UBTD1: variants seen among roughly 807,000 people sequenced by gnomAD.
The protein encoded by UBTD1 is ubiquitin domain-containing protein 1.
UBTD1 carries 19 observed loss-of-function variants against 21.7 expected under a neutral mutation model. That is an observed-to-expected ratio of 0.87 (90% CI 0.61 to 1.28). UBTD1 has a LOEUF of 1.28. UBTD1 is among the 50% of genes most tolerant of loss of function. The pLI, the probability that UBTD1 is intolerant of heterozygous loss-of-function variation, is 0.00. For missense variants in UBTD1, 282 were observed against 315.1 expected (o/e 0.89, Z 0.80); for synonymous variants, 116 against 135.1 (o/e 0.86, Z 0.98).
At chr10:97,516,809 A>C (rs982573106) in intron 1 of UBTD1, among the ~76,000 whole-genome samples, 1 of 151,832 alleles carries the variant, frequency 6.6e-6, no homozygotes, top group East Asian at 1.9e-4. Context: ...CATCTCCTAC[A>C]GTCAGGGGAT....
chr10:97,518,018 C>T (rs1042550499), intron 1 of UBTD1, among the ~76,000 whole-genome samples: 3 of 152,026 alleles, frequency 2.0e-5, no homozygotes, highest in Admixed American at 6.5e-5. Context: ...CTGGAGGGGC[C>T]GCTCCGAGAA....
At chr10:97,534,577 G>A (rs1468267343) in intron 1 of UBTD1, among the ~76,000 whole-genome samples, 47 of 88,526 alleles carry the variant, frequency 5.3e-4, no homozygotes, top group African/African-American at 7.7e-4. Context: ...ACACGCGCGC[G>A]CGCACACACA....
intron 1 of UBTD1, among the ~76,000 whole-genome samples, chr10:97,546,145 G>A (rs932037659): frequency 2.0e-5 from 3 of 152,210 alleles, no homozygotes; most frequent in Admixed American, 2.0e-4. Flanking sequence ...TTGTGGCATG[G>A]TGAACACCTC....
chr10:97,524,155 C>T (rs898003165), intron 1 of UBTD1, among the ~76,000 whole-genome samples: 2 of 152,082 alleles, frequency 1.3e-5, no homozygotes, highest in Non-Finnish European at 2.9e-5. Context: ...AGTGCAGTGG[C>T]GCGATTATGG....
chr10:97,536,607 CCAT>C (rs2040563111), intron 1 of UBTD1, among the ~76,000 whole-genome samples: 1 of 152,176 alleles, frequency 6.6e-6, no homozygotes, highest in Non-Finnish European at 1.5e-5. Context: ...GGCAGGGTGC[CCAT>C]CAGAACTTGA....
chr10:97,541,728 A>ATTT lies in UBTD1; in HGVS notation c.71-26165_71-26163dup, dbSNP rs975827062. Among the ~76,000 whole-genome samples the ATTT allele has an allele frequency of 7.8e-3, 768 of 98,842 alleles. 28 individuals carry two copies. Among genetic ancestry groups the ATTT allele is most frequent in the African/African-American group, 0.021 (486 of 23,034 alleles). 64.8% of individuals were successfully genotyped at this position (98,842 alleles called of 152,430 possible). A position where few individuals can be genotyped will look rare whatever the true frequency, so the allele number is the denominator to read the frequency against. ...GGGAGTTAGACCTAGGTCCTCTCTGATTTTTTTTTTTTTTTTTTTTTTTGA... is the reference window on the plus strand; with the variant it reads ...GGGAGTTAGACCTAGGTCCTCTCTGATTTTTTTTTTTTTTTTTTTTTTTTTTGA... On this transcript the variant is annotated intron_variant, in intron 1 of 2. Transcript: ENST00000370664.
At chr10:97,527,643 G>A (rs988756182) in intron 1 of UBTD1, among the ~76,000 whole-genome samples, 6 of 151,928 alleles carry the variant, frequency 3.9e-5, no homozygotes, top group Admixed American at 1.3e-4. Flanking sequence ...ATTAGGGAGT[G>A]GTGATGACTC....
intron 1 of UBTD1, among the ~76,000 whole-genome samples, chr10:97,557,822 T>C (rs1417813235): frequency 6.6e-6 from 1 of 152,192 alleles, no homozygotes; most frequent in Non-Finnish European, 1.5e-5. Flanking sequence ...TTGGATAGAA[T>C]AGCATTATAC....
At chr10:97,553,831 G>C (rs2040651788) in intron 1 of UBTD1, among the ~76,000 whole-genome samples, 1 of 152,208 alleles carries the variant, frequency 6.6e-6, no homozygotes, top group Non-Finnish European at 1.5e-5. Flanking sequence ...TGGAGGGTGA[G>C]GAGTTTGTCA....
At chr10:97,510,317 A>G (rs2040418510) in intron 1 of UBTD1, among the ~76,000 whole-genome samples, 2 of 152,232 alleles carry the variant, frequency 1.3e-5, no homozygotes, top group Admixed American at 1.3e-4. Flanking sequence ...GAACATCTAT[A>G]AGATAGTTTT....
At chr10:97,564,353 T>A (rs73332730) in intron 1 of UBTD1, among the ~76,000 whole-genome samples, 2,451 of 152,280 alleles carry the variant, frequency 0.016, 65 homozygotes, top group African/African-American at 0.057. Context: ...GAAATGGCCC[T>A]GCAAAACTGT....
At chr10:97,555,759 C>T (rs1447039277) in intron 1 of UBTD1, among the ~76,000 whole-genome samples, 5 of 152,196 alleles carry the variant, frequency 3.3e-5, no homozygotes, top group Non-Finnish European at 5.9e-5. Context: ...CTATGAATGA[C>T]ATCGGTTTCT....
intron 1 of UBTD1, among the ~76,000 whole-genome samples, chr10:97,555,508 G>A (rs565531370): frequency 6.6e-6 from 1 of 152,314 alleles, no homozygotes; most frequent in African/African-American, 2.4e-5. Context: ...ACACCGAGTT[G>A]TAGAAGGAAG....
At position 97,499,037 on chromosome 10, in the gene UBTD1, C is replaced by T. The variant is rs1162237817; in HGVS notation, c.-167C>T. The T allele has an allele frequency of 6.6e-6, 5 of 753,414 alleles. No homozygotes were observed. The highest frequency in any genetic ancestry group is 6.0e-5 in the South Asian group (3 of 49,910). The allele number at this position is 753,414 out of a possible 1,614,324, so 46.7% of individuals were successfully genotyped here. On this transcript the variant is annotated 5_prime_UTR_variant, in exon 1 of 3. Coordinates refer to ENST00000370664, the MANE Select transcript of UBTD1 (RefSeq NM_024954.5). ...TGCCACTTCCCTCTCTCCCCTGGCCCGCAAAGTTTTGGCGGAGCCATCGCT... is the reference window on the plus strand; with the variant it reads ...TGCCACTTCCCTCTCTCCCCTGGCCTGCAAAGTTTTGGCGGAGCCATCGCT...
In UBTD1 at chr10:97,570,633, T is replaced by C. The variant is rs1179035803; in HGVS notation, c.*110T>C. The C allele has an allele frequency of 1.1e-5, 15 of 1,378,668 alleles. No homozygotes were observed. Among genetic ancestry groups the C allele is most frequent in the Non-Finnish European group, 1.5e-5 (15 of 1,013,756 alleles). 85.4% of individuals were successfully genotyped at this position (1,378,668 alleles called of 1,614,324 possible). ...TCAGGGGCCCTCCCCTCGGTGTGGC[T>C]GGTGGGTGAGCCGTGAAGGGACCCT... On this transcript the variant is annotated 3_prime_UTR_variant, in exon 3 of 3. Transcript: ENST00000370664. This position sits in a 1 kb window ranked among gnomAD's most constrained non-coding sequence, Gnocchi z 6.6.
intron 1 of UBTD1, among the ~76,000 whole-genome samples, chr10:97,560,800 A>C (rs1221806363): frequency 6.6e-6 from 1 of 151,920 alleles, no homozygotes; most frequent in African/African-American, 2.4e-5. Flanking sequence ...TGCTTCTTTG[A>C]GACAAAACAC....
intron 1 of UBTD1, among the ~76,000 whole-genome samples, chr10:97,513,299 A>G (rs2040429931): frequency 6.6e-6 from 1 of 152,166 alleles, no homozygotes; most frequent in Non-Finnish European, 1.5e-5. Flanking sequence ...GCAAAGACAA[A>G]TAAAGGTGTA....
In UBTD1 at chr10:97,527,421, G is replaced by C. The variant is rs2040494796; in HGVS notation, c.70+28148G>C. Among the ~76,000 whole-genome samples the C allele has an allele frequency of 2.6e-5, 4 of 151,482 alleles. 1 individual carries two copies. In the South Asian group the frequency reaches 8.3e-4, roughly 32 times the overall value. On this transcript the variant is annotated intron_variant, in intron 1 of 2. Transcript: ENST00000370664. Reference sequence around the variant, plus strand: ...GTCCAAGTTGTGTCACTGGCCCAGAGGCCCTCACTGATCTGCCCTTCTTTT... The same window carrying C: ...GTCCAAGTTGTGTCACTGGCCCAGACGCCCTCACTGATCTGCCCTTCTTTT...
chr10:97,555,785 T>C (rs1243599342), intron 1 of UBTD1, among the ~76,000 whole-genome samples: 1 of 152,104 alleles, frequency 6.6e-6, no homozygotes, highest in Non-Finnish European at 1.5e-5. Flanking sequence ...ATGAGTTGAG[T>C]TTTAACTGCT....
Sources: allele counts gnomAD v4.1 joint callset (sites outside exome capture counted in the v4.1 genomes callset), GRCh38; gene constraint gnomAD v4.1.1; non-coding constraint Gnocchi (gnomAD v3.1); transcripts MANE v1.5; gene names NCBI Gene and HGNC (gene_info 2026-07-23, HGNC 2026-07-21).